NT5C2: variants seen among roughly 807,000 people sequenced by gnomAD.
The protein encoded by NT5C2 is 5'-nucleotidase, cytosolic II.
In NT5C2, 58 loss-of-function variants were observed where a neutral mutation model predicts 76.1. The observed-to-expected ratio is 0.76, with a 90% CI of 0.62 to 0.95. The LOEUF is 0.95. Ranked by LOEUF, NT5C2 falls within the 40% of genes least tolerant of loss-of-function variation. NT5C2 has a pLI of 0.00. For missense variants in NT5C2, 478 were observed against 690.3 expected, an observed-to-expected ratio of 0.69 and a Z score of 3.45; for synonymous variants, 229 against 237.4, an observed-to-expected ratio of 0.96 and a Z score of 0.32.
At chr10:103,165,548 T>C (rs1471572213) in intron 3 of NT5C2, among the ~76,000 whole-genome samples, 1 of 148,970 alleles carries the variant, frequency 6.7e-6, no homozygotes, top group Admixed American at 6.7e-5. Context: ...GTGTCTGGGA[T>C]TACAGGCGTG....
At chr10:103,148,661 C>T (rs1175221817) in intron 3 of NT5C2, among the ~76,000 whole-genome samples, 2 of 151,550 alleles carry the variant, frequency 1.3e-5, no homozygotes, top group South Asian at 2.1e-4. Context: ...GTGCTCACTT[C>T]GGCAGCACAC....
intron 3 of NT5C2, among the ~76,000 whole-genome samples, chr10:103,163,069 T>C (rs2085336670): frequency 1.3e-5 from 2 of 152,226 alleles, no homozygotes; most frequent in Admixed American, 6.5e-5. Context: ...GACTGTCTTA[T>C]TTGACTCAGC....
chr10:103,189,176 T>C (rs1397965813), intron 1 of NT5C2, among the ~76,000 whole-genome samples: 1 of 152,168 alleles, frequency 6.6e-6, no homozygotes, highest in East Asian at 1.9e-4. Context: ...TTTTATAGGC[T>C]CATTAGTTTA....
At chr10:103,128,347 C>T (rs1195866383) in intron 4 of NT5C2, among the ~76,000 whole-genome samples, 1 of 144,932 alleles carries the variant, frequency 6.9e-6, no homozygotes, top group Admixed American at 6.8e-5. Context: ...GGATTGCAGA[C>T]GGAGTCTCCT....
intron 3 of NT5C2, among the ~76,000 whole-genome samples, chr10:103,155,888 G>T (rs547893276): frequency 6.6e-6 from 1 of 152,242 alleles, no homozygotes; most frequent in East Asian, 1.9e-4. Flanking sequence ...ATTTGGCCAG[G>T]TGCCATGGCT....
At position 103,106,714 on chromosome 10, in the gene NT5C2, A is replaced by G; in HGVS notation, c.176-8T>C. The G allele has an allele frequency of 1.3e-6, 2 of 1,503,354 alleles. No homozygotes were observed. Among genetic ancestry groups the G allele is most frequent in the East Asian group, 2.3e-5 (1 of 44,332 alleles). 93.1% of individuals were successfully genotyped at this position (1,503,354 alleles called of 1,614,324 possible). ...ACTCTGGGGACTTGTACACTGCACA[A>G]AGAGGAGGTTTTCATTAGTTAGCAG... is the stretch of plus-strand genomic sequence containing the variant. On this transcript the variant is annotated splice_polypyrimidine_tract_variant and splice_region_variant and intron_variant, in intron 4 of 18. Transcript: ENST00000404739.
chr10:103,179,492 A>G (rs1318128881), intron 2 of NT5C2, among the ~76,000 whole-genome samples: 2 of 151,124 alleles, frequency 1.3e-5, no homozygotes, highest in Non-Finnish European at 3.0e-5. Context: ...CACAAACAAC[A>G]ACTGCACCCA....
intron 3 of NT5C2, among the ~76,000 whole-genome samples, chr10:103,150,940 C>T (rs2082290437): frequency 6.6e-6 from 1 of 152,162 alleles, no homozygotes; most frequent in African/African-American, 2.4e-5. Flanking sequence ...TTTCAAGAAA[C>T]AGGAATTTGA....
rs752169236 is a variant in NT5C2, at chr10:103,101,290, G to A, written c.426C>T (p.Ile142=). 8 of 1,608,542 alleles carry A rather than the reference G, an allele frequency of 5.0e-6. No homozygotes were observed. The South Asian group carries it at 8.8e-5, about 18-fold the overall frequency. Residue 142 remains isoleucine (I), a synonymous_variant, in exon 7 of 19, where the codon ATC becomes ATT. Coordinates refer to ENST00000404739, the MANE Select transcript of NT5C2 (RefSeq NM_001351169.2). ...ETREQYPNKF[I]QRDDTERFYI... ...AAAATCTTTCAGTATCATCTCGCTG[G>A]ATAAATTTATTTGGATACTGTTCTC...
intron 2 of NT5C2, among the ~76,000 whole-genome samples, chr10:103,177,432 T>C (rs1411205113): frequency 2.6e-5 from 4 of 152,214 alleles, no homozygotes; most frequent in African/African-American, 9.6e-5. Context: ...TTTATAAAAA[T>C]AGCATTATTT....
At chr10:103,133,941 A>G (rs1163247) in intron 4 of NT5C2, among the ~76,000 whole-genome samples, 151,565 of 152,282 alleles carry the variant, frequency 1, 75,429 homozygotes, top group Middle Eastern at 1. Flanking sequence ...TTTTGCCCCT[A>G]CCCTAGAGAT....
chr10:103,170,996 AATGTT>A (rs1448052530), intron 3 of NT5C2, among the ~76,000 whole-genome samples: 2 of 152,174 alleles, frequency 1.3e-5, no homozygotes, highest in Non-Finnish European at 2.9e-5. Context: ...ATCTTTTCCA[AATGTT>A]ATGTTTTATT....
chr10:103,193,006 G>A (rs369332404), intron 1 of NT5C2, among the ~76,000 whole-genome samples: 3 of 152,008 alleles, frequency 2.0e-5, no homozygotes, highest in East Asian at 1.9e-4. Flanking sequence ...AGGGGCTGCC[G>A]TGGGGCGGGG....
intron 10 of NT5C2, 118 bp from the exon 11 acceptor site, chr10:103,097,492 C>A: frequency 1.3e-6 from 1 of 779,468 alleles, no homozygotes; most frequent in Non-Finnish European, 2.1e-6. Context: ...TAAGGGTTAG[C>A]TGATTTCAGA....
intron 4 of NT5C2, among the ~76,000 whole-genome samples, chr10:103,130,400 C>G (rs1025479390): frequency 7.9e-5 from 12 of 151,466 alleles, no homozygotes; most frequent in African/African-American, 1.7e-4. Flanking sequence ...CTCAAGTAAT[C>G]AGGGACACAA....
At chr10:103,124,206 A>G (rs1249511970) in intron 4 of NT5C2, among the ~76,000 whole-genome samples, 8 of 138,452 alleles carry the variant, frequency 5.8e-5, no homozygotes, top group Non-Finnish European at 9.7e-5. Context: ...CCTCTGTCAT[A>G]AAGAATTTTT....
chr10:103,186,167 C>A (rs568038425), intron 1 of NT5C2, among the ~76,000 whole-genome samples: 1 of 152,198 alleles, frequency 6.6e-6, no homozygotes, highest in Non-Finnish European at 1.5e-5. Context: ...CGTTCAAAAC[C>A]TGGCTCTAAC....
At chr10:103,178,954 CTT>C (rs758982511) in intron 2 of NT5C2, among the ~76,000 whole-genome samples, 1 of 128,456 alleles carries the variant, frequency 7.8e-6, no homozygotes, top group African/African-American at 2.9e-5. Flanking sequence ...TTCTTTTTTT[CTT>C]TTTTTTTTTT....
At chr10:103,179,917 A>T (rs2090761896) in intron 2 of NT5C2, among the ~76,000 whole-genome samples, 2 of 152,230 alleles carry the variant, frequency 1.3e-5, no homozygotes, top group South Asian at 4.1e-4. Context: ...AACTAAAACA[A>T]AATTGCATTT....
Sources: allele counts gnomAD v4.1 joint callset (sites outside exome capture counted in the v4.1 genomes callset), GRCh38; gene constraint gnomAD v4.1.1; transcripts MANE v1.5; gene names NCBI Gene and HGNC (gene_info 2026-07-23, HGNC 2026-07-21).